Variants in CTNND2 observed in about 807,000 individuals in gnomAD.
CTNND2 encodes catenin delta 2, also known as catenin delta-2.
In CTNND2, 22 loss-of-function variants were observed where a neutral mutation model predicts 144.4. The ratio of observed to expected loss-of-function variants is 0.15; its 90% CI spans 0.11 to 0.22. The LOEUF is 0.22. Among genes scored for constraint, CTNND2 ranks in the 10% least tolerant of loss-of-function variants. The pLI is 1.00. For missense variants in CTNND2, 1,353 were observed against 1,618.8 expected (o/e 0.84, Z 2.82); for synonymous variants, 751 against 695.6 (o/e 1.08, Z -1.25).
chr5:11,451,488 T>C (rs969379328), intron 3 of CTNND2, among the ~76,000 whole-genome samples: 2 of 152,198 alleles, frequency 1.3e-5, no homozygotes, highest in South Asian at 4.1e-4. Flanking sequence ...TGAAATGCTC[T>C]AAAATTTGAA....
At chr5:11,235,341 G>A (rs1028315630) in intron 10 of CTNND2, among the ~76,000 whole-genome samples, 1 of 152,136 alleles carries the variant, frequency 6.6e-6, no homozygotes, top group African/African-American at 2.4e-5. Context: ...TCAGAAATCT[G>A]TCCTTTATTT....
At chr5:11,679,364 T>C (rs929940902) in intron 2 of CTNND2, among the ~76,000 whole-genome samples, 2 of 152,200 alleles carry the variant, frequency 1.3e-5, no homozygotes, top group Non-Finnish European at 1.5e-5. Flanking sequence ...GCCAGAAATA[T>C]GGAGATTAAA....
At chr5:11,595,686 C>T (rs1779468619) in intron 2 of CTNND2, among the ~76,000 whole-genome samples, 1 of 152,114 alleles carries the variant, frequency 6.6e-6, no homozygotes, top group African/African-American at 2.4e-5. Flanking sequence ...CAGCTTTAAA[C>T]CCATTGGCAT....
chr5:11,259,941 G>A (rs990477695), intron 9 of CTNND2, among the ~76,000 whole-genome samples: 15 of 152,138 alleles, frequency 9.9e-5, no homozygotes, highest in Admixed American at 2.0e-4. Flanking sequence ...GGATAAACAC[G>A]TTTTAAGCCA....
chr5:11,036,141 G>A lies in CTNND2; in HGVS notation c.2789-13162C>T, dbSNP rs187388484. On this transcript the variant is annotated intron_variant, in intron 16 of 21. Transcript: ENST00000304623. Reference sequence around the variant, plus strand: ...GATATCGTGTTAATTTTTTTTTTGCGCTTTTGTTACTCTCGAGTCACTTTT... The same window carrying A: ...GATATCGTGTTAATTTTTTTTTTGCACTTTTGTTACTCTCGAGTCACTTTT... 1.9e-3 allele frequency among the ~76,000 whole-genome samples: 287 copies of A among 150,704 alleles called. 1 individual carries two copies. The highest frequency in any genetic ancestry group is 2.5e-3 in the Non-Finnish European group (170 of 67,620).
At chr5:11,705,690 C>CCT (rs2126679629) in intron 2 of CTNND2, among the ~76,000 whole-genome samples, 1 of 152,314 alleles carries the variant, frequency 6.6e-6, no homozygotes, top group Admixed American at 6.5e-5. Flanking sequence ...TGGTATAATG[C>CCT]TGTCAGACTT....
chr5:11,753,377 A>T (rs1358867876), intron 1 of CTNND2, among the ~76,000 whole-genome samples: 1 of 151,780 alleles, frequency 6.6e-6, no homozygotes, highest in Non-Finnish European at 1.5e-5. Context: ...AAGGTTCATA[A>T]CATGAAGGAA....
chr5:11,739,897 T>A (rs1484742409), intron 1 of CTNND2, among the ~76,000 whole-genome samples: 1 of 151,560 alleles, frequency 6.6e-6, no homozygotes, highest in African/African-American at 2.4e-5. Flanking sequence ...TATACACCAA[T>A]AGAAGACAGA....
At chr5:11,228,563 A>G (rs245138) in intron 10 of CTNND2, among the ~76,000 whole-genome samples, 137,141 of 150,494 alleles carry the variant, frequency 0.91, 62,651 homozygotes, top group East Asian at 0.99. Flanking sequence ...TCCACTTACT[A>G]CAGCCTCGTC....
chr5:11,085,724 A>G (rs1201003049), intron 15 of CTNND2, among the ~76,000 whole-genome samples: 1 of 152,210 alleles, frequency 6.6e-6, no homozygotes, highest in Non-Finnish European at 1.5e-5. Context: ...CATGCTGGGG[A>G]AAGAAAGGAT....
intron 9 of CTNND2, among the ~76,000 whole-genome samples, chr5:11,245,768 G>C (rs764932157): frequency 6.6e-6 from 1 of 152,150 alleles, no homozygotes; most frequent in Non-Finnish European, 1.5e-5. Flanking sequence ...TCTGACCCCA[G>C]GACACGGCCC....
chr5:11,405,970 G>GA (rs1761066431), intron 5 of CTNND2, among the ~76,000 whole-genome samples: 1 of 152,080 alleles, frequency 6.6e-6, no homozygotes, highest in Admixed American at 6.6e-5. Context: ...CCAACATGGT[G>GA]AAACCCCGTC....
At chr5:11,553,551 T>C (rs921533494) in intron 3 of CTNND2, among the ~76,000 whole-genome samples, 7 of 152,236 alleles carry the variant, frequency 4.6e-5, no homozygotes, top group Admixed American at 4.6e-4. Flanking sequence ...TATCCCCATT[T>C]TTATAGATGA....
In CTNND2 at chr5:11,120,044, C is replaced by T. The variant is rs377453839; in HGVS notation, c.2160-2477G>A. ...CAGAAGTTGTCAATACTAATCTTAGCGTTTTTCTTTATTCTAGTTTCTATT... is the reference window on the plus strand; with the variant it reads ...CAGAAGTTGTCAATACTAATCTTAGTGTTTTTCTTTATTCTAGTTTCTATT... On this transcript the variant is annotated intron_variant, in intron 12 of 21. Transcript: ENST00000304623. Among the ~76,000 whole-genome samples, 10 of 152,272 alleles carry T rather than the reference C, an allele frequency of 6.6e-5. No individual in the cohort carries two copies. In the South Asian group the frequency reaches 1.5e-3, roughly 22 times the overall value.
At chr5:11,047,590 T>C (rs533767919) in intron 16 of CTNND2, among the ~76,000 whole-genome samples, 1 of 152,256 alleles carries the variant, frequency 6.6e-6, no homozygotes, top group Non-Finnish European at 1.5e-5. Context: ...AGCAGGTCAA[T>C]AAAAACATAG....
intron 8 of CTNND2, among the ~76,000 whole-genome samples, chr5:11,355,462 C>G (rs1755768757): frequency 6.6e-6 from 1 of 151,760 alleles, no homozygotes; most frequent in African/African-American, 2.4e-5. Context: ...ATTCAACATC[C>G]CTGCATGATA....
chr5:11,094,286 C>T (rs904772637), intron 15 of CTNND2, among the ~76,000 whole-genome samples: 2 of 152,098 alleles, frequency 1.3e-5, no homozygotes, highest in Admixed American at 1.3e-4. Context: ...ATAACATTTT[C>T]TTGATGACAG....
At chr5:10,975,949 T>C (rs1487278305) in intron 21 of CTNND2, among the ~76,000 whole-genome samples, 2 of 152,220 alleles carry the variant, frequency 1.3e-5, no homozygotes, top group Non-Finnish European at 2.9e-5. Context: ...GTATCAGCTT[T>C]TTCAGCCTCT....
intron 8 of CTNND2, among the ~76,000 whole-genome samples, chr5:11,351,526 C>T (rs368328987): frequency 2.0e-5 from 3 of 152,088 alleles, no homozygotes; most frequent in East Asian, 1.9e-4. Context: ...AGATGTTTTA[C>T]GTTTATGTGC....
Sources: gnomAD v4.1 joint callset for allele counts (sites outside exome capture counted in the v4.1 genomes callset) on GRCh38, gnomAD v4.1.1 for gene constraint, MANE v1.5 for transcripts, NCBI Gene and HGNC (gene_info 2026-07-23, HGNC 2026-07-21) for gene names.